PPFIBP2: variants seen among roughly 807,000 people sequenced by gnomAD.
PPFIBP2 encodes the protein PPFIB scaffold protein 2.
Under a neutral mutation model 118.3 loss-of-function variants are expected in PPFIBP2, and 118 were observed. The ratio of observed to expected loss-of-function variants is 1.00; its 90% CI spans 0.86 to 1.16. PPFIBP2 has a LOEUF of 1.16. PPFIBP2 is among the 50% of genes most tolerant of loss of function. PPFIBP2 has a pLI of 0.00. For missense variants in PPFIBP2, 1,195 were observed against 1,073.1 expected (o/e 1.11, Z -1.59); for synonymous variants, 414 against 397.4 (o/e 1.04, Z -0.50).
chr11:7,571,898 G>A (rs1174453035), intron 3 of PPFIBP2: 3 of 152,182 alleles, frequency 2.0e-5, no homozygotes, highest in Non-Finnish European at 4.4e-5. Flanking sequence ...CAAAGAATGA[G>A]GTCAGCATGG....
Position 7,653,704 on chromosome 11 carries a change from A to C in PPFIBP2, c.*486A>C. 7.9e-7 allele frequency: 1 copy of C among 1,264,886 alleles called. No homozygotes were observed. Among genetic ancestry groups the C allele is most frequent in the Non-Finnish European group, 1.0e-6 (1 of 977,384 alleles). 78.4% of individuals were successfully genotyped at this position (1,264,886 alleles called of 1,614,324 possible). A position where few individuals can be genotyped will look rare whatever the true frequency, so the allele number is the denominator to read the frequency against. ...TGACAATGGAATTGTGTTGTGCCTT[A>C]CTTCAGAGGTGGTCTCTTCTTTCTT... On this transcript the variant is annotated 3_prime_UTR_variant, in exon 24 of 24. Coordinates refer to ENST00000299492, the MANE Select transcript of PPFIBP2 (RefSeq NM_003621.5).
intron 2 of PPFIBP2, among the ~76,000 whole-genome samples, chr11:7,561,943 G>T (rs1854342296): frequency 6.6e-6 from 1 of 152,184 alleles, no homozygotes; most frequent in Non-Finnish European, 1.5e-5. Context: ...GAACAGTTTT[G>T]TCGAAGACAG....
intron 5 of PPFIBP2, among the ~76,000 whole-genome samples, chr11:7,608,702 C>A (rs1197749734): frequency 1.3e-5 from 2 of 152,170 alleles, no homozygotes; most frequent in African/African-American, 4.8e-5. Context: ...GTGTCCTTGG[C>A]CAAAAGATTT....
intron 14 of PPFIBP2, among the ~76,000 whole-genome samples, chr11:7,639,253 A>G (rs557585627): frequency 8.9e-4 from 135 of 152,296 alleles, no homozygotes; most frequent in African/African-American, 3.1e-3. Flanking sequence ...TGGGGGAAAC[A>G]GAGGAGCCCA....
intron 2 of PPFIBP2, among the ~76,000 whole-genome samples, chr11:7,561,196 G>T (rs1362822431): frequency 6.6e-6 from 1 of 152,148 alleles, no homozygotes; most frequent in African/African-American, 2.4e-5. Flanking sequence ...GCCTTAAGTA[G>T]CTGGGGTTAC....
chr11:7,648,586 T>C (rs766776585), intron 18 of PPFIBP2, 49 bp downstream of exon 18: 6 of 1,605,900 alleles, frequency 3.7e-6, no homozygotes, highest in Non-Finnish European at 5.1e-6. Context: ...CCCCAAAGCA[T>C]GGGGAGGCCA....
chr11:7,648,277 G>A (rs1853415611), intron 17 of PPFIBP2, 110 bp from the exon 18 acceptor site: 3 of 1,272,654 alleles, frequency 2.4e-6, no homozygotes, highest in Non-Finnish European at 3.2e-6. Flanking sequence ...TTAAAAAACA[G>A]GTTTTTTGTT....
intron 6 of PPFIBP2, among the ~76,000 whole-genome samples, chr11:7,617,658 T>G (rs1187410767): frequency 6.6e-6 from 1 of 151,970 alleles, no homozygotes; most frequent in Non-Finnish European, 1.5e-5. Flanking sequence ...GGCTGGGAGA[T>G]TAAACAAACT....
intron 5 of PPFIBP2, among the ~76,000 whole-genome samples, chr11:7,603,275 G>C (rs1045062467): frequency 6.6e-6 from 1 of 152,150 alleles, no homozygotes; most frequent in African/African-American, 2.4e-5. Context: ...GTGATGTTGG[G>C]AATCCAGACT....
chr11:7,648,930 G>A lies in PPFIBP2; in HGVS notation c.1909+19G>A, dbSNP rs766309336. ...GTGACAAGTAAGGATAGGCATATATGTATTAAGAATGTCTCTGGCAGCAAC... is the reference window on the plus strand; with the variant it reads ...GTGACAAGTAAGGATAGGCATATATATATTAAGAATGTCTCTGGCAGCAAC... On this transcript the variant is annotated intron_variant, in intron 19 of 23. Transcript: ENST00000299492. 4.4e-6 allele frequency: 7 copies of A among 1,590,322 alleles called. No homozygotes were observed. Among genetic ancestry groups the A allele is most frequent in the East Asian group, 4.5e-5 (2 of 44,712 alleles).
At chr11:7,602,903 T>C (rs1846847373) in intron 5 of PPFIBP2, among the ~76,000 whole-genome samples, 1 of 152,196 alleles carries the variant, frequency 6.6e-6, no homozygotes, top group South Asian at 2.1e-4. Flanking sequence ...TGTTTCCTTA[T>C]TAGTAGAGAA....
intron 13 of PPFIBP2, among the ~76,000 whole-genome samples, chr11:7,634,867 G>A (rs1851241677): frequency 6.6e-6 from 1 of 152,174 alleles, no homozygotes; most frequent in Non-Finnish European, 1.5e-5. Flanking sequence ...TAAGGTCAGA[G>A]CCATGAGACA....
Position 7,649,239 on chromosome 11 carries a change from A to C in PPFIBP2, c.1998+4A>C, listed in dbSNP as rs1340704765. ...AATGCTGCAATACCTAACTGTGGTG[A>C]GGACTTTTTCTTTAAATATTTCAGT... On this transcript the variant is annotated splice_donor_region_variant and intron_variant, in intron 20 of 23. Coordinates refer to ENST00000299492, the MANE Select transcript of PPFIBP2 (RefSeq NM_003621.5). 1 of 1,610,302 alleles carries C rather than the reference A, an allele frequency of 6.2e-7. No homozygotes were observed. Among genetic ancestry groups the C allele is most frequent in the Admixed American group, 1.7e-5 (1 of 59,906 alleles).
At chr11:7,559,773 C>T (rs1286268746) in intron 2 of PPFIBP2, among the ~76,000 whole-genome samples, 1 of 152,128 alleles carries the variant, frequency 6.6e-6, no homozygotes, top group South Asian at 2.1e-4. Flanking sequence ...GGCATTAAAA[C>T]CTCAAGCCCC....
At chr11:7,633,109 G>T (rs1019255679) in intron 12 of PPFIBP2, among the ~76,000 whole-genome samples, 175 bp downstream of exon 12, 3 of 152,158 alleles carry the variant, frequency 2.0e-5, no homozygotes, top group Admixed American at 6.5e-5. Flanking sequence ...GCCACAGAAG[G>T]GCTTCTCATC....
chr11:7,521,968 G>T lies in PPFIBP2; in HGVS notation c.-37+7847G>T, dbSNP rs531918213. On this transcript the variant is annotated intron_variant, in intron 1 of 23. Transcript: ENST00000299492. Reference sequence around the variant, plus strand: ...CCAGGCTGGGAAGAGATCATGGAAGGCCTTGAAAGTTGGAGCTATATAATT... The same window carrying T: ...CCAGGCTGGGAAGAGATCATGGAAGTCCTTGAAAGTTGGAGCTATATAATT... Among the ~76,000 whole-genome samples, 18 of 152,316 alleles carry T rather than the reference G, an allele frequency of 1.2e-4. No homozygotes were observed. In the South Asian group the frequency reaches 3.5e-3, roughly 30 times the overall value.
chr11:7,664,197 G>A, the PPFIBP2 span, among the ~76,000 whole-genome samples: 1 of 152,168 alleles, frequency 6.6e-6, no homozygotes, highest in African/African-American at 2.4e-5. Context: ...CTTAATGGGG[G>A]TTTGGGGAAG....
intron 2 of PPFIBP2, among the ~76,000 whole-genome samples, chr11:7,549,791 A>C (rs183162322): frequency 6.6e-6 from 1 of 152,088 alleles, no homozygotes; most frequent in East Asian, 1.9e-4. Flanking sequence ...CTACCGTCTC[A>C]GTTTGGATTC....
chr11:7,635,601 G>A lies in PPFIBP2; in HGVS notation c.1236+8G>A, dbSNP rs1371118780. The A allele has an allele frequency of 6.2e-7, 1 of 1,603,382 alleles. No homozygotes were observed. The highest frequency in any genetic ancestry group is 2.2e-5 in the East Asian group (1 of 44,866). ...CCGGTGTTAGAACCCAAGGTACATT[G>A]ACTTCGTGCCCCGTCGTCTATTTGT... On this transcript the variant is annotated splice_region_variant and intron_variant, in intron 14 of 23. Transcript: ENST00000299492.
Sources: gnomAD v4.1 joint callset for allele counts (sites outside exome capture counted in the v4.1 genomes callset) on GRCh38, gnomAD v4.1.1 for gene constraint, MANE v1.5 for transcripts, NCBI Gene and HGNC (gene_info 2026-07-23, HGNC 2026-07-21) for gene names.